STX18: variants seen among roughly 807,000 people sequenced by gnomAD.
The protein encoded by STX18 is syntaxin 18, also known as syntaxin-18.
A neutral mutation model predicts 50.1 loss-of-function variants in STX18; 40 were observed. That is an observed-to-expected ratio of 0.80 (90% CI 0.62 to 1.04). The LOEUF is 1.04. Ranked by LOEUF, STX18 falls within the 50% of genes least tolerant of loss-of-function variation. The pLI is 0.00. For missense variants in STX18, 410 were observed against 415.8 expected, an observed-to-expected ratio of 0.99 and a Z score of 0.12; for synonymous variants, 158 against 151.8, an observed-to-expected ratio of 1.04 and a Z score of -0.30.
rs34563523 is a variant in STX18, at chr4:4,489,391, A to AT, written c.169-17686dup. On this transcript the variant is annotated intron_variant, in intron 1 of 10. Transcript: ENST00000306200. The stretch of plus-strand genomic sequence containing the variant: ...AGCACTTCAATACACATGCAAAATA[A>AT]TTTTTTTTTTTTTTTTTTTTTTTTT... Among the ~76,000 whole-genome samples the AT allele has an allele frequency of 5.4e-3, 279 of 51,666 alleles. 87 individuals carry two copies. Among genetic ancestry groups the AT allele is most frequent in the East Asian group, 0.011 (21 of 1,900 alleles). The allele number at this position is 51,666 out of a possible 152,430, so 33.9% of individuals were successfully genotyped here.
chr4:4,429,212 G>C (rs1270710500), intron 7 of STX18, among the ~76,000 whole-genome samples: 1 of 152,178 alleles, frequency 6.6e-6, no homozygotes, highest in Non-Finnish European at 1.5e-5. Context: ...AGGGCTCAGA[G>C]CAGTACTTGG....
chr4:4,495,118 C>G (rs1729110003), intron 1 of STX18, among the ~76,000 whole-genome samples: 1 of 152,174 alleles, frequency 6.6e-6, no homozygotes, highest in Non-Finnish European at 1.5e-5. Flanking sequence ...AATTATACAG[C>G]ATTCCAAACT....
chr4:4,477,734 A>C (rs1728259554), intron 1 of STX18: 1 of 152,252 alleles, frequency 6.6e-6, no homozygotes, highest in Non-Finnish European at 1.5e-5. Flanking sequence ...ACAGTTTTCC[A>C]GTGCTATATT....
intron 8 of STX18, 133 bp from the exon 9 acceptor site, chr4:4,423,720 G>T: frequency 2.3e-6 from 2 of 877,808 alleles, no homozygotes. Flanking sequence ...GTCGGCTGGG[G>T]GAAGAGGAGA....
At chr4:4,530,544 T>C (rs1731045700) in intron 1 of STX18, among the ~76,000 whole-genome samples, 1 of 152,130 alleles carries the variant, frequency 6.6e-6, no homozygotes, top group South Asian at 2.1e-4. Context: ...ATTATTATTG[T>C]ATTATTAAGG....
chr4:4,459,716 G>A (rs1295143231), intron 2 of STX18, among the ~76,000 whole-genome samples: 1 of 152,160 alleles, frequency 6.6e-6, no homozygotes, highest in Non-Finnish European at 1.5e-5. Context: ...CCCAACTGAC[G>A]TAAGCCAGAT....
chr4:4,486,673 G>A (rs887266935), intron 1 of STX18, among the ~76,000 whole-genome samples: 13 of 152,142 alleles, frequency 8.5e-5, no homozygotes, highest in Non-Finnish European at 1.6e-4. Flanking sequence ...TTGAAATTAG[G>A]TCTACTCCAT....
At chr4:4,529,857 C>T (rs1253004035) in intron 1 of STX18, among the ~76,000 whole-genome samples, 19 of 152,148 alleles carry the variant, frequency 1.2e-4, no homozygotes. Context: ...ATTTATTATG[C>T]TTTAGAATAA....
chr4:4,439,623 TCATA>T (rs1726002104), intron 5 of STX18, among the ~76,000 whole-genome samples: 1 of 136,668 alleles, frequency 7.3e-6, no homozygotes, highest in African/African-American at 2.8e-5. Context: ...ACATATATAC[TCATA>T]CACACACATA....
chr4:4,502,164 C>T (rs1381457090), intron 1 of STX18, among the ~76,000 whole-genome samples: 1 of 152,050 alleles, frequency 6.6e-6, no homozygotes, highest in Non-Finnish European at 1.5e-5. Context: ...CCAGATACCT[C>T]GAAAGCACTA....
intron 1 of STX18, among the ~76,000 whole-genome samples, chr4:4,541,267 G>A (rs1010880708): frequency 2.6e-5 from 4 of 152,208 alleles, no homozygotes; most frequent in South Asian, 2.1e-4. Context: ...CTGTAACACT[G>A]TGTTTGCGAA....
At chr4:4,480,718 A>AG (rs1728419953) in intron 1 of STX18, among the ~76,000 whole-genome samples, 1 of 152,184 alleles carries the variant, frequency 6.6e-6, no homozygotes, top group Non-Finnish European at 1.5e-5. Context: ...ATAAACTCCA[A>AG]ACATACTAAG....
intron 1 of STX18, among the ~76,000 whole-genome samples, chr4:4,476,938 G>A (rs1249418591): frequency 2.0e-5 from 3 of 152,094 alleles, no homozygotes; most frequent in Non-Finnish European, 4.4e-5. Flanking sequence ...AGTGGCTTAA[G>A]CCTGTAATCC....
chr4:4,473,991 G>T (rs969152062), intron 1 of STX18, among the ~76,000 whole-genome samples: 5 of 152,048 alleles, frequency 3.3e-5, no homozygotes, highest in African/African-American at 7.2e-5. Context: ...ACTCAGCGCT[G>T]AAAGTCCCTG....
chr4:4,539,145 A>C (rs1560217306), intron 1 of STX18, among the ~76,000 whole-genome samples: 1 of 152,226 alleles, frequency 6.6e-6, no homozygotes, highest in South Asian at 2.1e-4. Flanking sequence ...GAAATCTGGC[A>C]TCAGGCATAT....
At chr4:4,453,927 C>T (rs1266764448) in intron 5 of STX18, among the ~76,000 whole-genome samples, 1 of 152,192 alleles carries the variant, frequency 6.6e-6, no homozygotes, top group Non-Finnish European at 1.5e-5. Context: ...CAGAACCAGA[C>T]CATGGACTGT....
intron 5 of STX18, 104 bp downstream of exon 5, chr4:4,457,086 GT>G: frequency 1.8e-6 from 2 of 1,128,184 alleles, no homozygotes; most frequent in Non-Finnish European, 2.6e-6. Context: ...TTGCGAAGAA[GT>G]TCAAACACGG....
Position 4,457,209 on chromosome 4 carries a change from A to T in STX18, c.479T>A (p.Val160Glu). 1 of 1,613,792 alleles carries T rather than the reference A, an allele frequency of 6.2e-7. No individual in the cohort carries two copies. Among genetic ancestry groups the T allele is most frequent in the South Asian group, 1.1e-5 (1 of 91,064 alleles). The change falls in exon 5 of 11, where the codon GTG becomes GAG. Residue 160 changes from valine (V) to glutamate (E), a missense_variant. Coordinates refer to ENST00000306200, the MANE Select transcript of STX18 (RefSeq NM_016930.4). ...SEQRAIRVKRVVDKKRLSKLE... is the reference protein window; with the variant it reads ...SEQRAIRVKREVDKKRLSKLE... ...TACTTACAATCTTTTCTTATCCACC[A>T]CTCTTTTAACTCGGATGGCTCTCTG...
chr4:4,464,063 A>G (rs184819597), intron 2 of STX18, among the ~76,000 whole-genome samples: 1 of 152,212 alleles, frequency 6.6e-6, no homozygotes, highest in Non-Finnish European at 1.5e-5. Flanking sequence ...TATATTCTCT[A>G]TCTTTGTGAC....
Sources: allele counts gnomAD v4.1 joint callset (sites outside exome capture counted in the v4.1 genomes callset), GRCh38; gene constraint gnomAD v4.1.1; transcripts MANE v1.5; gene names NCBI Gene and HGNC (gene_info 2026-07-23, HGNC 2026-07-21).